The following TMEM232 variants were observed in gnomAD, a reference collection of about 807,000 sequenced individuals.
TMEM232 encodes transmembrane protein 232.
TMEM232 carries 80 observed loss-of-function variants against 78.8 expected under a neutral mutation model. That is an observed-to-expected ratio of 1.01 (90% CI 0.85 to 1.22). The LOEUF (loss-of-function observed/expected upper bound fraction) is 1.22, where lower values mean the gene tolerates loss of function less well. Among genes scored for constraint, TMEM232 ranks in the 50% most tolerant of loss-of-function variants. The probability of loss-of-function intolerance (pLI) is 0.00; values close to 1 mark genes in which losing one functional copy is unlikely to be tolerated. For missense variants in TMEM232, 881 were observed against 742.2 expected (o/e 1.19, Z -2.17); for synonymous variants, 297 against 254.3 (o/e 1.17, Z -1.60).
chr5:110,466,960 G>A (rs1561531346), intron 12 of TMEM232, among the ~76,000 whole-genome samples: 1 of 151,792 alleles, frequency 6.6e-6, no homozygotes, highest in Non-Finnish European at 1.5e-5. Flanking sequence ...AGATCTGGAA[G>A]GAGCACACTA....
intron 2 of TMEM232, among the ~76,000 whole-genome samples, chr5:110,664,119 G>C (rs564125229): frequency 6.6e-6 from 1 of 152,090 alleles, no homozygotes; most frequent in Non-Finnish European, 1.5e-5. Flanking sequence ...CAGCCTGGGA[G>C]ATAGAGAAAG....
chr5:110,523,579 T>C (rs1446713490), intron 12 of TMEM232, among the ~76,000 whole-genome samples: 3 of 152,132 alleles, frequency 2.0e-5, no homozygotes, highest in African/African-American at 7.2e-5. Flanking sequence ...TTGTTTTCAT[T>C]TTCATTTTAC....
chr5:110,388,952 T>C (rs1423183975), intron 4 of TMEM232, among the ~76,000 whole-genome samples: 1 of 151,868 alleles, frequency 6.6e-6, no homozygotes, highest in Non-Finnish European at 1.5e-5. Flanking sequence ...GAGAGAAAAA[T>C]AGTGGAGATG....
chr5:110,699,754 T>C (rs1396869798), intron 1 of TMEM232, among the ~76,000 whole-genome samples: 1 of 152,082 alleles, frequency 6.6e-6, no homozygotes, highest in Non-Finnish European at 1.5e-5. Flanking sequence ...GTTTCAGAAC[T>C]GCCTTGTCCA....
At chr5:110,618,998 A>C (rs1783299945) in intron 7 of TMEM232, among the ~76,000 whole-genome samples, 1 of 152,142 alleles carries the variant, frequency 6.6e-6, no homozygotes, top group Non-Finnish European at 1.5e-5. Context: ...ATGCCTAGCA[A>C]GACATCGTCA....
intron 11 of TMEM232, among the ~76,000 whole-genome samples, chr5:110,559,055 C>T (rs1337390687): frequency 1.3e-5 from 2 of 152,150 alleles, no homozygotes; most frequent in Non-Finnish European, 2.9e-5. Context: ...GGTCTAGTAA[C>T]TTGGTGAAAG....
intron 2 of TMEM232, among the ~76,000 whole-genome samples, chr5:110,655,018 C>G (rs1449385084): frequency 4.6e-5 from 7 of 152,106 alleles, no homozygotes; most frequent in African/African-American, 1.7e-4. Flanking sequence ...TCTAAAACAC[C>G]AAAAGCAATG....
Position 110,618,497 on chromosome 5 carries a change from G to C in TMEM232, c.834C>G (p.Asn278Lys). Reference protein sequence around the residue: ...CVAAWSCVQNNSPQLNNVLEH... With the variant: ...CVAAWSCVQNKSPQLNNVLEH... ...CAAGCACGTTATTCAACTGAGGACT[G>C]TTATTCTGAACACAAGACCAAGCAG... is the stretch of plus-strand genomic sequence containing the variant. Residue 278 changes from asparagine (N) to lysine (K), a missense_variant, in exon 8 of 14, where the codon AAC becomes AAG. Coordinates refer to ENST00000455884, the MANE Select transcript of TMEM232 (RefSeq NM_001039763.4). 6.4e-7 allele frequency: 1 copy of C among 1,551,654 alleles called. No individual in the cohort carries two copies. The highest frequency in any genetic ancestry group is 8.7e-7 in the Non-Finnish European group (1 of 1,146,846).
At chr5:110,405,972 T>C (rs1443819202) in intron 2 of TMEM232, among the ~76,000 whole-genome samples, 2 of 151,782 alleles carry the variant, frequency 1.3e-5, no homozygotes, top group East Asian at 1.9e-4. Context: ...AGGCATGTTA[T>C]AGTCAACTGC....
At chr5:110,452,524 T>C (rs1287040446) in intron 12 of TMEM232, among the ~76,000 whole-genome samples, 1 of 143,600 alleles carries the variant, frequency 7.0e-6, no homozygotes, top group Non-Finnish European at 1.6e-5. Context: ...ATTTAGGCAA[T>C]GATGACCCAT....
At chr5:110,727,029 G>C (rs1281965937), upstream of TMEM232, among the ~76,000 whole-genome samples, 2 of 152,112 alleles carry the variant, frequency 1.3e-5, no homozygotes, top group Non-Finnish European at 2.9e-5. Context: ...ATTGCCGTTC[G>C]TAAGTTCCTT....
At chr5:110,579,325 A>G (rs1046334456) in intron 10 of TMEM232, among the ~76,000 whole-genome samples, 2 of 151,654 alleles carry the variant, frequency 1.3e-5, no homozygotes, top group African/African-American at 2.4e-5. Context: ...TATAACTAGA[A>G]TTGCCTTACA....
At chr5:110,732,345 T>C (rs1798763617) in intron 2 of TMEM232, among the ~76,000 whole-genome samples, 1 of 152,230 alleles carries the variant, frequency 6.6e-6, no homozygotes, top group African/African-American at 2.4e-5. Flanking sequence ...TGGTTATCTT[T>C]TCAGCAACGT....
At chr5:110,514,916 G>T (rs2149482265) in intron 12 of TMEM232, among the ~76,000 whole-genome samples, 1 of 152,220 alleles carries the variant, frequency 6.6e-6, no homozygotes, top group South Asian at 2.1e-4. Context: ...GTTCACTAAT[G>T]AAAATCAAGT....
chr5:110,474,353 T>G (rs1763011470), intron 12 of TMEM232, among the ~76,000 whole-genome samples: 1 of 151,940 alleles, frequency 6.6e-6, no homozygotes, highest in Non-Finnish European at 1.5e-5. Flanking sequence ...AAAGATTTTT[T>G]AAAACCTACA....
chr5:110,445,558 T>C (rs908057720), intron 12 of TMEM232, among the ~76,000 whole-genome samples: 4 of 152,108 alleles, frequency 2.6e-5, no homozygotes, highest in African/African-American at 9.7e-5. Context: ...TAGTTATATA[T>C]TGCTGCATAA....
intron 10 of TMEM232, among the ~76,000 whole-genome samples, chr5:110,581,049 T>C (rs532331682): frequency 6.6e-6 from 1 of 151,838 alleles, no homozygotes; most frequent in Non-Finnish European, 1.5e-5. Context: ...TCTATGCTCA[T>C]GGACAGAATA....
chr5:110,493,671 C>T (rs1157552839), intron 12 of TMEM232, among the ~76,000 whole-genome samples: 1 of 151,980 alleles, frequency 6.6e-6, no homozygotes, highest in African/African-American at 2.4e-5. Flanking sequence ...GACTTCAAGT[C>T]TTTTAATGGC....
chr5:110,546,328 C>T (rs906587184), intron 11 of TMEM232, among the ~76,000 whole-genome samples: 10 of 151,858 alleles, frequency 6.6e-5, no homozygotes, highest in Admixed American at 1.3e-4. Context: ...GTAGATAAAT[C>T]GAAGTATTAA....
Sources: gnomAD v4.1 joint callset for allele counts (sites outside exome capture counted in the v4.1 genomes callset) on GRCh38, gnomAD v4.1.1 for gene constraint, MANE v1.5 for transcripts, NCBI Gene and HGNC (gene_info 2026-07-23, HGNC 2026-07-21) for gene names.